Variants in MGAT5B observed in about 807,000 individuals in gnomAD.
MGAT5B encodes N-acetylglucosaminyl-transferase Vb.
MGAT5B carries 54 observed loss-of-function variants against 95.1 expected under a neutral mutation model. That is an observed-to-expected ratio of 0.57 (90% CI 0.46 to 0.71). MGAT5B has a LOEUF of 0.71. MGAT5B is among the 30% of genes least tolerant of loss of function. The pLI is 0.00. For synonymous variants in MGAT5B, 464 were observed against 451.0 expected, an observed-to-expected ratio of 1.03 and a Z score of -0.36; for missense variants, 935 against 1,088.6, an observed-to-expected ratio of 0.86 and a Z score of 1.99.
intron 8 of MGAT5B, among the ~76,000 whole-genome samples, chr17:76,921,756 C>T (rs1969132507): frequency 6.6e-6 from 1 of 152,144 alleles, no homozygotes; most frequent in African/African-American, 2.4e-5. Flanking sequence ...GGTCAGAACC[C>T]CTGGGAGATG....
At chr17:76,871,346 C>T (rs1448667792) in intron 1 of MGAT5B, among the ~76,000 whole-genome samples, 6 of 152,162 alleles carry the variant, frequency 3.9e-5, no homozygotes, top group Admixed American at 3.9e-4. Flanking sequence ...CGTCCCTCTG[C>T]GCTAAGGAAA....
intron 2 of MGAT5B, among the ~76,000 whole-genome samples, chr17:76,873,687 CCT>C (rs1967083505): frequency 6.6e-6 from 1 of 152,190 alleles, no homozygotes; most frequent in Admixed American, 6.5e-5. Flanking sequence ...CCCAGCCCCA[CCT>C]CATCTCACCT....
chr17:76,935,914 T>C (rs1441916994), intron 12 of MGAT5B, among the ~76,000 whole-genome samples: 1 of 140,016 alleles, frequency 7.1e-6, no homozygotes, highest in Non-Finnish European at 1.5e-5. Flanking sequence ...ATTATATATA[T>C]TATATATTAT....
intron 3 of MGAT5B, among the ~76,000 whole-genome samples, chr17:76,884,057 C>T (rs540605102): frequency 5.9e-5 from 8 of 136,470 alleles, no homozygotes; most frequent in African/African-American, 2.5e-4. Flanking sequence ...GCATCATTAC[C>T]CTCATATTAG....
chr17:76,916,328 A>G lies in MGAT5B; in HGVS notation c.1026-8638A>G, dbSNP rs772002438. Among the ~76,000 whole-genome samples, 1 of 152,258 alleles carries G rather than the reference A, an allele frequency of 6.6e-6. No individual in the cohort carries two copies. Among genetic ancestry groups the G allele is most frequent in the African/African-American group, 2.4e-5 (1 of 41,470 alleles). On this transcript the variant is annotated intron_variant, in intron 8 of 17. Transcript: ENST00000569840. The surrounding 1 kb of genome is among the most constrained non-coding windows in gnomAD (Gnocchi z 5.3). ...GTCAAGGCCCCCCGGCCAAGTCTGA[A>G]CATTGACCAATAAGCAAGACCGATG...
chr17:76,879,173 G>A (rs747885087), intron 2 of MGAT5B, among the ~76,000 whole-genome samples: 2 of 152,184 alleles, frequency 1.3e-5, no homozygotes, highest in Admixed American at 1.3e-4. Flanking sequence ...AGCTGTGACC[G>A]TGAGGTTTCT....
intron 4 of MGAT5B, 77 bp downstream of exon 4, chr17:76,902,747 TG>T: frequency 1.6e-6 from 1 of 625,550 alleles, no homozygotes; most frequent in Non-Finnish European, 2.8e-6. Context: ...CCTGGGAGGG[TG>T]GGACACTTGG....
rs570511358 is a variant in MGAT5B, at chr17:76,945,413, C to T, written c.1849-963C>T. Among the ~76,000 whole-genome samples, 3 of 152,184 alleles carry T rather than the reference C, an allele frequency of 2.0e-5. No individual in the cohort carries two copies. The South Asian group carries it at 6.2e-4, about 32-fold the overall frequency. ...CAAGTGATTCTCCTGCCTCAGCCTCCCAAGTAGCTGGGATTACAGGCACCT... is the reference window on the plus strand; with the variant it reads ...CAAGTGATTCTCCTGCCTCAGCCTCTCAAGTAGCTGGGATTACAGGCACCT... On this transcript the variant is annotated intron_variant, in intron 15 of 17. Coordinates refer to ENST00000569840, the MANE Select transcript of MGAT5B (RefSeq NM_001199172.2).
chr17:76,947,601 G>A (rs1970071110), intron 16 of MGAT5B, among the ~76,000 whole-genome samples: 1 of 152,194 alleles, frequency 6.6e-6, no homozygotes, highest in Non-Finnish European at 1.5e-5. Flanking sequence ...CCAACCCCAA[G>A]GCCCTGGGCG....
At chr17:76,925,381 A>G (rs8069659) in intron 9 of MGAT5B, among the ~76,000 whole-genome samples, 146,535 of 146,538 alleles carry the variant, frequency 1, 73,266 homozygotes, top group Middle Eastern at 1. Context: ...CATGGAGCGG[A>G]GCTGAGGAAT....
rs200103614 is a variant in MGAT5B at position 76,872,968 on chromosome 17, C to T, written c.181+5C>T. On this transcript the variant is annotated splice_donor_5th_base_variant and intron_variant, in intron 2 of 17. Transcript: ENST00000569840. The stretch of plus-strand genomic sequence containing the variant: ...CATTCACCATCCGCACAGAAGGTAC[C>T]TTGGTGGGGCAAGGGGAGTGTGAGA... 2.7e-5 allele frequency: 43 copies of T among 1,613,252 alleles called. No homozygotes were observed. The highest frequency in any genetic ancestry group is 1.3e-5 in the African/African-American group (1 of 75,064).
At chr17:76,921,051 G>T (rs1381161404) in intron 8 of MGAT5B, among the ~76,000 whole-genome samples, 1 of 152,186 alleles carries the variant, frequency 6.6e-6, no homozygotes, top group African/African-American at 2.4e-5. Context: ...TGTGTCCCAG[G>T]TATGGAGGGA....
In MGAT5B at chr17:76,912,525, G is replaced by T. The variant is rs887924498; in HGVS notation, c.1025+6338G>T. Among the ~76,000 whole-genome samples, 1 of 152,168 alleles carries T rather than the reference G, an allele frequency of 6.6e-6. No homozygotes were observed. The highest frequency in any genetic ancestry group is 1.5e-5 in the Non-Finnish European group (1 of 68,040). ...AGGCGGTGGGACAAAGACGCGGCTT[G>T]TACATTTGTTGTAGTTTATTCGCAG... On this transcript the variant is annotated intron_variant, in intron 8 of 17. Coordinates refer to ENST00000569840, the MANE Select transcript of MGAT5B (RefSeq NM_001199172.2). The surrounding 1 kb of genome is among the most constrained non-coding windows in gnomAD (Gnocchi z 5.0).
At position 76,914,922 on chromosome 17, in the gene MGAT5B, G is replaced by C. The variant is rs1968873625; in HGVS notation, c.1025+8735G>C. On this transcript the variant is annotated intron_variant, in intron 8 of 17. Transcript: ENST00000569840. This position sits in a 1 kb window ranked among gnomAD's most constrained non-coding sequence, Gnocchi z 5.1. Reference sequence around the variant, plus strand: ...CAAAGTGCTGGGATTACAGGCGTGAGCCACTGCCCCCGGCCACGTTTCTTC... The same window carrying C: ...CAAAGTGCTGGGATTACAGGCGTGACCCACTGCCCCCGGCCACGTTTCTTC... 6.6e-6 allele frequency among the ~76,000 whole-genome samples: 1 copy of C among 152,242 alleles called. No individual in the cohort carries two copies. The highest frequency in any genetic ancestry group is 2.1e-4 in the South Asian group (1 of 4,838).
At chr17:76,888,431 C>T (rs1050013551) in intron 3 of MGAT5B, among the ~76,000 whole-genome samples, 53 of 152,184 alleles carry the variant, frequency 3.5e-4, no homozygotes, top group African/African-American at 1.2e-3. Context: ...TCCCGGTATG[C>T]GTGTCTGTAG....
rs1188966154 is a variant in MGAT5B, at chr17:76,868,421, G to C, written c.-609G>C. The C allele has an allele frequency of 6.6e-6, 1 of 151,282 alleles. No individual in the cohort carries two copies. Among genetic ancestry groups the C allele is most frequent in the South Asian group, 2.1e-4 (1 of 4,860 alleles). 9.4% of individuals were successfully genotyped at this position (151,282 alleles called of 1,614,324 possible). ...CCAGCGCCGCTCGGCCGCCTCCTCC[G>C]AGGAACAATGCGGCGCCTCCGGGCG... On this transcript the variant is annotated 5_prime_UTR_variant, in exon 1 of 18. Coordinates refer to ENST00000569840, the MANE Select transcript of MGAT5B (RefSeq NM_001199172.2). This position sits in a 1 kb window ranked among gnomAD's most constrained non-coding sequence, Gnocchi z 6.3.
intron 2 of MGAT5B, among the ~76,000 whole-genome samples, chr17:76,876,646 T>G (rs968798233): frequency 1.3e-5 from 2 of 152,206 alleles, no homozygotes; most frequent in Admixed American, 1.3e-4. Context: ...TCTTGTGGAC[T>G]GTGGTCTATG....
chr17:76,885,948 GC>G (rs1483008465), intron 3 of MGAT5B, among the ~76,000 whole-genome samples: 3 of 105,278 alleles, frequency 2.8e-5, no homozygotes, highest in African/African-American at 2.8e-4. Flanking sequence ...ATTTCCTGTG[GC>G]TTAAAAAAAA....
At position 76,889,085 on chromosome 17, in the gene MGAT5B, G is replaced by C. The variant is rs560786495; in HGVS notation, c.329+6787G>C. 7.2e-5 allele frequency among the ~76,000 whole-genome samples: 11 copies of C among 152,326 alleles called. No homozygotes were observed. Among genetic ancestry groups the C allele is most frequent in the African/African-American group, 2.6e-4 (11 of 41,566 alleles). On this transcript the variant is annotated intron_variant, in intron 3 of 17. Coordinates refer to ENST00000569840, the MANE Select transcript of MGAT5B (RefSeq NM_001199172.2). The surrounding 1 kb of genome is among the most constrained non-coding windows in gnomAD (Gnocchi z 4.4). The stretch of plus-strand genomic sequence containing the variant: ...CGATGGTTTTGGTAGAATGCCTGGG[G>C]CTTAGTATATGTGCAGAAAATATAC...
Sources: allele counts gnomAD v4.1 joint callset (sites outside exome capture counted in the v4.1 genomes callset), GRCh38; gene constraint gnomAD v4.1.1; non-coding constraint Gnocchi (gnomAD v3.1); transcripts MANE v1.5; gene names NCBI Gene and HGNC (gene_info 2026-07-23, HGNC 2026-07-21).